Variants in FA2H observed in about 807,000 individuals in gnomAD.
FA2H encodes the protein fatty acid alpha-hydroxylase.
A neutral mutation model predicts 44.9 loss-of-function variants in FA2H; 22 were observed. The ratio of observed to expected loss-of-function variants is 0.49; its 90% CI spans 0.35 to 0.70. The LOEUF (loss-of-function observed/expected upper bound fraction) is 0.70, where lower values mean the gene tolerates loss of function less well. Among genes scored for constraint, FA2H ranks in the 30% least tolerant of loss-of-function variants. The pLI is 0.01. For missense variants in FA2H, 501 were observed against 504.9 expected, an observed-to-expected ratio of 0.99 and a Z score of 0.07; for synonymous variants, 243 against 213.2, an observed-to-expected ratio of 1.14 and a Z score of -1.22.
intron 1 of FA2H, among the ~76,000 whole-genome samples, chr16:74,761,128 GA>G (rs948770288): frequency 4.3e-4 from 66 of 152,034 alleles, no homozygotes; most frequent in Non-Finnish European, 7.1e-4. Flanking sequence ...AGTTGGAAGG[GA>G]AAAAAAGTCT....
At chr16:74,766,071 G>A (rs1172147310) in intron 1 of FA2H, among the ~76,000 whole-genome samples, 1 of 152,074 alleles carries the variant, frequency 6.6e-6, no homozygotes, top group Non-Finnish European at 1.5e-5. Flanking sequence ...ACTTTGGGAG[G>A]CCGAGGCAGG....
At chr16:74,726,475 G>C (rs545055197) in intron 3 of FA2H, 144 bp from the exon 4 acceptor site, 2 of 598,288 alleles carry the variant, frequency 3.3e-6, no homozygotes, top group Non-Finnish European at 3.0e-6. Context: ...TGCAACCTCT[G>C]CCTCTGGGGT....
intron 1 of FA2H, among the ~76,000 whole-genome samples, chr16:74,757,923 G>A (rs1255534627): frequency 1.2e-4 from 19 of 152,076 alleles, no homozygotes; most frequent in Admixed American, 1.2e-3. Context: ...GGAGGCTAAG[G>A]TGGGAGGATC....
intron 1 of FA2H, among the ~76,000 whole-genome samples, chr16:74,770,648 A>C (rs1459368173): frequency 2.0e-5 from 3 of 152,200 alleles, no homozygotes; most frequent in Non-Finnish European, 4.4e-5. Flanking sequence ...TGGAATTATA[A>C]GCATGAGCCA....
chr16:74,714,331 G>T, intron 6 of FA2H, 62 bp from the exon 7 acceptor site: 1 of 1,074,642 alleles, frequency 9.3e-7, no homozygotes, highest in South Asian at 1.3e-5. Flanking sequence ...GCGCTGGCTT[G>T]GGAAGGGTGC....
intron 1 of FA2H, 79 bp downstream of exon 1, chr16:74,774,407 G>T (rs1454854692): frequency 7.3e-7 from 1 of 1,367,194 alleles, no homozygotes; most frequent in African/African-American, 1.5e-5. Context: ...CTGCTAGAGG[G>T]CAAGTGAACG....
chr16:74,748,015 G>C (rs1962457801), intron 1 of FA2H, among the ~76,000 whole-genome samples: 1 of 152,188 alleles, frequency 6.6e-6, no homozygotes, highest in South Asian at 2.1e-4. Context: ...TGAGGACGCG[G>C]CAGAAACCAG....
chr16:74,750,791 T>TG (rs1597564103), intron 1 of FA2H, among the ~76,000 whole-genome samples: 1 of 22,584 alleles, frequency 4.4e-5, no homozygotes, highest in South Asian at 9.1e-4. Context: ...GTGTGTGTGT[T>TG]TAAGAGACAG....
At chr16:74,724,405 G>A (rs575798721) in intron 4 of FA2H, among the ~76,000 whole-genome samples, 5 of 152,186 alleles carry the variant, frequency 3.3e-5, no homozygotes, top group East Asian at 3.9e-4. Flanking sequence ...CCTTTCCCCC[G>A]TCTCCTCAGC....
intron 2 of FA2H, among the ~76,000 whole-genome samples, chr16:74,730,161 G>A (rs942658872): frequency 2.0e-5 from 3 of 152,170 alleles, no homozygotes; most frequent in African/African-American, 4.8e-5. Context: ...CAGCCTGGGA[G>A]CAGGGGGGTG....
rs1255059436 is a variant in FA2H at position 74,774,545 on chromosome 16, C to T, written c.211G>A (p.Ala71Thr). ...TGCTCCAGCCAGCGGCGCGCGTTGGCCGAGTGCCTGTGCGGCGGCCCGTCC... is the reference window on the plus strand; with the variant it reads ...TGCTCCAGCCAGCGGCGCGCGTTGGTCGAGTGCCTGTGCGGCGGCCCGTCC... ...DLDGPPHRHS[A>T]NARRWLEQYY... The change falls in exon 1 of 7, where the codon GCC becomes ACC. Residue 71 changes from alanine to threonine, a missense_variant. By Grantham distance (58) the Ala-to-Thr change is moderately conservative. Coordinates refer to ENST00000219368, the MANE Select transcript of FA2H (RefSeq NM_024306.5). The T allele has an allele frequency of 1.3e-6, 2 of 1,546,008 alleles. No individual in the cohort carries two copies.
At chr16:74,755,011 C>A (rs530282367) in intron 1 of FA2H, among the ~76,000 whole-genome samples, 2 of 152,262 alleles carry the variant, frequency 1.3e-5, no homozygotes, top group East Asian at 3.9e-4. Flanking sequence ...AACTACAAGC[C>A]AAGAAACACC....
At chr16:74,767,738 A>G (rs1447026748) in intron 1 of FA2H, among the ~76,000 whole-genome samples, 2 of 152,222 alleles carry the variant, frequency 1.3e-5, no homozygotes, top group African/African-American at 2.4e-5. Flanking sequence ...CTGCAGATTC[A>G]TTTTTTACTT....
chr16:74,755,077 C>T (rs1962590167), intron 1 of FA2H, among the ~76,000 whole-genome samples: 1 of 152,066 alleles, frequency 6.6e-6, no homozygotes, highest in East Asian at 1.9e-4. Flanking sequence ...GATTCTTCCT[C>T]GCAGCCTCTA....
intron 1 of FA2H, among the ~76,000 whole-genome samples, chr16:74,740,415 G>A (rs1381139567): frequency 6.6e-6 from 1 of 152,000 alleles, no homozygotes; most frequent in Non-Finnish European, 1.5e-5. Context: ...TCAGGAGTTT[G>A]AGACCAGCCT....
Position 74,774,618 on chromosome 16 carries a change from G to GC in FA2H, c.137dup (p.Glu47ArgfsTer55). 9 of 1,517,332 alleles carry GC rather than the reference G, an allele frequency of 5.9e-6. No homozygotes were observed. The highest frequency in any genetic ancestry group is 4.1e-5 in the Admixed American group (2 of 49,252). The allele number at this position is 1,517,332 out of a possible 1,614,324, so 94.0% of individuals were successfully genotyped here. ...CCGCCCTGGCCCGCAGCAGCTGCTC[G>GC]CCCCCCGGGTGGTGCCGCACGAAGC... On this transcript the variant is annotated frameshift_variant, in exon 1 of 7. Coordinates refer to ENST00000219368, the MANE Select transcript of FA2H (RefSeq NM_024306.5). LOFTEE classifies it high-confidence loss of function.
chr16:74,744,559 C>T (rs1259434084), intron 1 of FA2H, among the ~76,000 whole-genome samples: 2 of 151,372 alleles, frequency 1.3e-5, no homozygotes, highest in Admixed American at 6.6e-5. Context: ...TCAAGCAATC[C>T]TCACACCTCA....
intron 2 of FA2H, among the ~76,000 whole-genome samples, chr16:74,729,832 G>A (rs1352938061): frequency 7.2e-5 from 11 of 151,948 alleles, no homozygotes; most frequent in South Asian, 4.2e-4. Flanking sequence ...ACACACAATC[G>A]GAGTGAGGAT....
At chr16:74,732,353 G>A (rs1355815624) in intron 2 of FA2H, among the ~76,000 whole-genome samples, 2 of 152,206 alleles carry the variant, frequency 1.3e-5, no homozygotes, top group African/African-American at 4.8e-5. Flanking sequence ...CCTAGCAGTG[G>A]TTTGGGCAAA....
Sources: gnomAD v4.1 joint callset for allele counts (sites outside exome capture counted in the v4.1 genomes callset) on GRCh38, gnomAD v4.1.1 for gene constraint, MANE v1.5 for transcripts, NCBI Gene and HGNC (gene_info 2026-07-23, HGNC 2026-07-21) for gene names.